The following TCF7L1 variants were observed in gnomAD, a reference collection of about 807,000 sequenced individuals.
The protein encoded by TCF7L1 is transcription factor 7-like 1.
In TCF7L1, 18 loss-of-function variants were observed where a neutral mutation model predicts 63.7. The observed-to-expected ratio is 0.28, with a 90% confidence interval of 0.20 to 0.42. The LOEUF (loss-of-function observed/expected upper bound fraction) is 0.42. TCF7L1 is among the 10% of genes least tolerant of loss of function. TCF7L1 has a pLI of 1.00. For synonymous variants in TCF7L1, 355 were observed against 340.9 expected, an observed-to-expected ratio of 1.04 and a Z score of -0.46; for missense variants, 654 against 779.3, an observed-to-expected ratio of 0.84 and a Z score of 1.91.
At chr2:85,260,783 A>G (rs1395886679) in intron 3 of TCF7L1, among the ~76,000 whole-genome samples, 1 of 152,234 alleles carries the variant, frequency 6.6e-6, no homozygotes, top group Non-Finnish European at 1.5e-5. Flanking sequence ...CAAAGGGGAA[A>G]AAGATACAGA....
chr2:85,163,797 T>C (rs974371847), intron 3 of TCF7L1, among the ~76,000 whole-genome samples: 2 of 152,158 alleles, frequency 1.3e-5, no homozygotes, highest in Non-Finnish European at 2.9e-5. Context: ...TCTCCCTGTG[T>C]ATTCAAACAG....
At chr2:85,154,164 G>T (rs1175590971) in intron 3 of TCF7L1, among the ~76,000 whole-genome samples, 1 of 152,206 alleles carries the variant, frequency 6.6e-6, no homozygotes. Flanking sequence ...GTTACTGGGA[G>T]TATGTGAGCA....
At chr2:85,246,846 T>A (rs1223474367) in intron 3 of TCF7L1, among the ~76,000 whole-genome samples, 1 of 152,206 alleles carries the variant, frequency 6.6e-6, no homozygotes, top group Non-Finnish European at 1.5e-5. Context: ...ACCACCACCC[T>A]CCTTCCCTCT....
chr2:85,282,794 TTGTGTGTGTGTGTG>T (rs59628868), intron 3 of TCF7L1, among the ~76,000 whole-genome samples: 26 of 119,224 alleles, frequency 2.2e-4, no homozygotes, highest in South Asian at 5.9e-4. Flanking sequence ...GAGAGAGAGA[TTGTGTGTGTGTGTG>T]TGTGTGTGTG....
chr2:85,150,390 CGCCT>C (rs2104203991), intron 3 of TCF7L1, among the ~76,000 whole-genome samples: 1 of 152,248 alleles, frequency 6.6e-6, no homozygotes, highest in South Asian at 2.1e-4. Flanking sequence ...CCCGCCACCA[CGCCT>C]GGCTAATTAT....
At chr2:85,195,147 C>G (rs1481982333) in intron 3 of TCF7L1, among the ~76,000 whole-genome samples, 1 of 152,230 alleles carries the variant, frequency 6.6e-6, no homozygotes, top group Non-Finnish European at 1.5e-5. Context: ...TAACCTTGAG[C>G]AAGTTACCTA....
At chr2:85,304,059 C>A in intron 6 of TCF7L1, 62 bp downstream of exon 6, 1 of 1,363,514 alleles carries the variant, frequency 7.3e-7, no homozygotes, top group Non-Finnish European at 1.0e-6. Flanking sequence ...TGCCTCTGTG[C>A]CCTGCGCGCC....
chr2:85,302,739 C>A, intron 5 of TCF7L1, 123 bp downstream of exon 5: 1 of 1,281,286 alleles, frequency 7.8e-7, no homozygotes, highest in South Asian at 1.4e-5. Flanking sequence ...TCTCAGGAGT[C>A]TTTGGACCTT....
rs1677513949 is a variant in TCF7L1, at chr2:85,133,708, C to CGGCGGCGGCGGCGGG, written c.38_39insGGGCGGCGGCGGCGG (p.Gly10_Gly14dup). 1.1e-5 allele frequency: 4 copies of CGGCGGCGGCGGCGGG among 349,294 alleles called. No homozygotes were observed. Among genetic ancestry groups the CGGCGGCGGCGGCGGG allele is most frequent in the African/African-American group, 1.7e-4 (2 of 11,966 alleles). 21.6% of individuals were successfully genotyped at this position (349,294 alleles called of 1,614,324 possible). A position where few individuals can be genotyped will look rare whatever the true frequency, so the allele number is the denominator to read the frequency against. ...CCATGCCCCAGCTCGGCGGCGGGGGCGGCGGCGGCGGCGGCGGCAGCGGGG... is the reference window on the plus strand; with the variant it reads ...CCATGCCCCAGCTCGGCGGCGGGGGCGGCGGCGGCGGCGGGGGCGGCGGCGGCGGCGGCAGCGGGG... On this transcript the variant is annotated inframe_insertion, in exon 1 of 12. Coordinates refer to ENST00000282111, the MANE Select transcript of TCF7L1 (RefSeq NM_031283.3). The surrounding 1 kb of genome is among the most constrained non-coding windows in gnomAD (Gnocchi z 4.4).
At chr2:85,254,810 C>G (rs1680671792) in intron 3 of TCF7L1, among the ~76,000 whole-genome samples, 1 of 152,180 alleles carries the variant, frequency 6.6e-6, no homozygotes, top group Admixed American at 6.5e-5. Flanking sequence ...AACAGCCTCA[C>G]TGGCCTAGAT....
intron 3 of TCF7L1, among the ~76,000 whole-genome samples, chr2:85,137,237 T>C (rs1226468389): frequency 6.6e-6 from 1 of 152,192 alleles, no homozygotes; most frequent in Non-Finnish European, 1.5e-5. Context: ...GCAGGAGGCT[T>C]CAGCAGCCTC....
chr2:85,242,300 C>T (rs879917878), intron 3 of TCF7L1, among the ~76,000 whole-genome samples: 5 of 152,206 alleles, frequency 3.3e-5, no homozygotes, highest in Admixed American at 2.6e-4. Context: ...CATAAAGCCC[C>T]GGCCCAAGTA....
intron 3 of TCF7L1, chr2:85,233,854 T>A (rs570868376): frequency 6.6e-6 from 1 of 152,312 alleles, no homozygotes; most frequent in East Asian, 1.9e-4. Flanking sequence ...CTCTGCTCAC[T>A]AATATGCACT....
chr2:85,269,892 A>G (rs554783565), intron 3 of TCF7L1, among the ~76,000 whole-genome samples: 1 of 152,310 alleles, frequency 6.6e-6, no homozygotes, highest in East Asian at 1.9e-4. Flanking sequence ...TATCAGGAGC[A>G]ATGGCCCTGT....
intron 3 of TCF7L1, among the ~76,000 whole-genome samples, chr2:85,140,619 TG>T (rs5832636): frequency 0.83 from 126,441 of 152,026 alleles, 52,847 homozygotes; most frequent in East Asian, 0.95. Flanking sequence ...GCAAACACAG[TG>T]GAAACCCTGT....
At chr2:85,223,116 C>G (rs981970899) in intron 3 of TCF7L1, among the ~76,000 whole-genome samples, 3 of 152,238 alleles carry the variant, frequency 2.0e-5, no homozygotes, top group African/African-American at 7.2e-5. Flanking sequence ...GAATCTCACT[C>G]AGTCGCCTAG....
At chr2:85,200,500 T>A (rs896954725) in intron 3 of TCF7L1, among the ~76,000 whole-genome samples, 6 of 152,190 alleles carry the variant, frequency 3.9e-5, no homozygotes, top group Admixed American at 2.6e-4. Context: ...TACCATAAGT[T>A]TACATTGTCT....
chr2:85,268,631 G>A (rs1052163311), intron 3 of TCF7L1, among the ~76,000 whole-genome samples: 18 of 151,950 alleles, frequency 1.2e-4, no homozygotes, highest in African/African-American at 3.4e-4. Context: ...TCATAGAGAC[G>A]GGGTTTCACC....
chr2:85,262,139 T>C (rs1680870784), intron 3 of TCF7L1: 11 of 546,042 alleles, frequency 2.0e-5, no homozygotes, highest in South Asian at 1.5e-4. Context: ...TTCCGCATCA[T>C]CTAATAACAA....
Sources: allele counts gnomAD v4.1 joint callset (sites outside exome capture counted in the v4.1 genomes callset), GRCh38; gene constraint gnomAD v4.1.1; non-coding constraint Gnocchi (gnomAD v3.1); transcripts MANE v1.5; gene names NCBI Gene and HGNC (gene_info 2026-07-23, HGNC 2026-07-21).